The following SLC8A3 variants were observed in gnomAD, a reference collection of about 807,000 sequenced individuals.
SLC8A3 encodes sodium/calcium exchanger 3.
In SLC8A3, 37 loss-of-function variants were observed where a neutral mutation model predicts 65.4. The ratio of observed to expected loss-of-function variants is 0.57; its 90% CI spans 0.44 to 0.74. The LOEUF is 0.74. SLC8A3 is among the 30% of genes least tolerant of loss of function. SLC8A3 has a pLI of 0.00. For synonymous variants in SLC8A3, 461 were observed against 444.5 expected (o/e 1.04, Z -0.47); for missense variants, 1,112 against 1,172.1 (o/e 0.95, Z 0.75).
intron 3 of SLC8A3, among the ~76,000 whole-genome samples, chr14:70,056,797 G>T (rs1888176171): frequency 6.6e-6 from 1 of 152,206 alleles, no homozygotes; most frequent in Non-Finnish European, 1.5e-5. Flanking sequence ...TGTGGATTGG[G>T]AAACTGAGTT....
chr14:70,051,254 G>C, intron 4 of SLC8A3, 147 bp from the exon 5 acceptor site: 1 of 599,626 alleles, frequency 1.7e-6, no homozygotes, highest in Non-Finnish European at 3.0e-6. Flanking sequence ...TCTCTTTTGA[G>C]GCAATCCTTC....
intron 1 of SLC8A3, among the ~76,000 whole-genome samples, chr14:70,177,927 G>A (rs1452286129): frequency 6.6e-6 from 1 of 152,216 alleles, no homozygotes; most frequent in African/African-American, 2.4e-5. Flanking sequence ...TCCCAGGACT[G>A]GGATGAGAGG....
At chr14:70,134,961 C>T (rs1217618131) in intron 2 of SLC8A3, among the ~76,000 whole-genome samples, 2 of 152,148 alleles carry the variant, frequency 1.3e-5, no homozygotes, top group Admixed American at 1.3e-4. Flanking sequence ...AAAGGGTGGA[C>T]CTCTCTAATC....
chr14:70,072,746 C>G (rs1228681156), intron 2 of SLC8A3, among the ~76,000 whole-genome samples: 5 of 152,184 alleles, frequency 3.3e-5, no homozygotes, highest in Non-Finnish European at 5.9e-5. Context: ...CTCCCAGGCT[C>G]AAATGATTCT....
chr14:70,139,907 C>G (rs1468594013), intron 2 of SLC8A3, among the ~76,000 whole-genome samples: 1 of 152,088 alleles, frequency 6.6e-6, no homozygotes, highest in South Asian at 2.1e-4. Flanking sequence ...CAGGCATCTC[C>G]CCCTTTCCCT....
chr14:70,047,975 A>G (rs1886983770), intron 6 of SLC8A3: 1 of 152,298 alleles, frequency 6.6e-6, no homozygotes, highest in Non-Finnish European at 1.5e-5. Flanking sequence ...CCTTCAGTAG[A>G]TTATAAACTC....
intron 2 of SLC8A3, among the ~76,000 whole-genome samples, chr14:70,157,109 G>A (rs1896617567): frequency 6.6e-6 from 1 of 152,142 alleles, no homozygotes; most frequent in Non-Finnish European, 1.5e-5. Flanking sequence ...TGATGCATTT[G>A]GGCTGGGGGA....
At chr14:70,129,994 T>G (rs1266931502) in intron 2 of SLC8A3, among the ~76,000 whole-genome samples, 2 of 152,234 alleles carry the variant, frequency 1.3e-5, no homozygotes, top group Non-Finnish European at 2.9e-5. Flanking sequence ...AGGGCAAATT[T>G]CTTCCATAGT....
At chr14:70,052,598 AAC>A (rs1887629643) in intron 3 of SLC8A3, among the ~76,000 whole-genome samples, 2 of 97,516 alleles carry the variant, frequency 2.1e-5, no homozygotes, top group Admixed American at 8.2e-5. Context: ...TCTCATGTTG[AAC>A]AGTTTTTTTG....
At chr14:70,134,387 A>C (rs141081574) in intron 2 of SLC8A3, among the ~76,000 whole-genome samples, 1 of 152,138 alleles carries the variant, frequency 6.6e-6, no homozygotes, top group Non-Finnish European at 1.5e-5. Flanking sequence ...TAATCCCTGC[A>C]TTCTTCCCAT....
At chr14:70,087,944 A>G (rs909847497) in intron 2 of SLC8A3, among the ~76,000 whole-genome samples, 5 of 152,242 alleles carry the variant, frequency 3.3e-5, no homozygotes, top group Non-Finnish European at 7.3e-5. Context: ...AGATTGAAAT[A>G]TATGTGTACA....
intron 2 of SLC8A3, among the ~76,000 whole-genome samples, chr14:70,155,866 T>C (rs1896544356): frequency 6.6e-6 from 1 of 152,356 alleles, no homozygotes; most frequent in South Asian, 2.1e-4. Context: ...CTTGGCTGTG[T>C]TCATTTCTGT....
chr14:70,049,491 G>C (rs1887216645), intron 5 of SLC8A3, among the ~76,000 whole-genome samples: 1 of 152,128 alleles, frequency 6.6e-6, no homozygotes, highest in Non-Finnish European at 1.5e-5. Flanking sequence ...CAGGGGTGAG[G>C]GATAGGGGAG....
chr14:70,110,324 C>A (rs1486963905), intron 2 of SLC8A3, among the ~76,000 whole-genome samples: 1 of 150,760 alleles, frequency 6.6e-6, no homozygotes, highest in African/African-American at 2.4e-5. Flanking sequence ...CCATCCCACC[C>A]TCCCCCTAAG....
chr14:70,056,061 T>C (rs1024692767), intron 3 of SLC8A3, among the ~76,000 whole-genome samples: 7 of 152,200 alleles, frequency 4.6e-5, no homozygotes, highest in Non-Finnish European at 7.3e-5. Flanking sequence ...TTTGCTCCTA[T>C]GCTTTCCCGG....
chr14:70,080,027 G>T, intron 2 of SLC8A3: 9 of 887,976 alleles, frequency 1.0e-5, no homozygotes, highest in Non-Finnish European at 1.2e-5. Flanking sequence ...TTGGGTTGTC[G>T]TGCGGGTGAC....
Position 70,096,179 on chromosome 14 carries a change from G to T in SLC8A3, c.1785-35240C>A, listed in dbSNP as rs145803959. Among the ~76,000 whole-genome samples the T allele has an allele frequency of 1.1e-4, 16 of 152,154 alleles. No individual in the cohort carries two copies. In the East Asian group the frequency reaches 2.9e-3, roughly 28 times the overall value. ...TTACAGGTGTGAGCCACTGTGCCTG[G>T]CCCCCATATATCTTATATATTCAAC... is the stretch of plus-strand genomic sequence containing the variant. On this transcript the variant is annotated intron_variant, in intron 2 of 6. Coordinates refer to ENST00000356921, the MANE Select transcript of SLC8A3 (RefSeq NM_182932.3).
chr14:70,065,546 C>A (rs1889328658), intron 2 of SLC8A3, among the ~76,000 whole-genome samples: 1 of 152,164 alleles, frequency 6.6e-6, no homozygotes, highest in South Asian at 2.1e-4. Context: ...CCCTCACTAG[C>A]TGGGTGACCT....
At chr14:70,140,059 T>G (rs1298575163) in intron 2 of SLC8A3, among the ~76,000 whole-genome samples, 1 of 152,212 alleles carries the variant, frequency 6.6e-6, no homozygotes, top group African/African-American at 2.4e-5. Context: ...CAATTATTTT[T>G]ATCATCATTT....
Sources: gnomAD v4.1 joint callset for allele counts (sites outside exome capture counted in the v4.1 genomes callset) on GRCh38, gnomAD v4.1.1 for gene constraint, MANE v1.5 for transcripts, NCBI Gene and HGNC (gene_info 2026-07-23, HGNC 2026-07-21) for gene names.